Variants in KATNAL1 observed in about 807,000 individuals in gnomAD.
KATNAL1 encodes katanin catalytic subunit A1 like 1.
KATNAL1 carries 32 observed loss-of-function variants against 55.2 expected under a neutral mutation model. The observed-to-expected ratio is 0.58, with a 90% CI of 0.44 to 0.78. The LOEUF is 0.78. Ranked by LOEUF, KATNAL1 falls within the 30% of genes least tolerant of loss-of-function variation. KATNAL1 has a pLI of 0.00. For synonymous variants in KATNAL1, 193 were observed against 193.6 expected, an observed-to-expected ratio of 1.00 and a Z score of 0.02; for missense variants, 466 against 600.9, an observed-to-expected ratio of 0.78 and a Z score of 2.35.
chr13:30,271,879 A>AAAAAAG (rs1880398417), intron 3 of KATNAL1, among the ~76,000 whole-genome samples: 1 of 27,396 alleles, frequency 3.7e-5, no homozygotes, highest in East Asian at 1.3e-3. Flanking sequence ...AGAAAAGAGG[A>AAAAAAG]AAAAAAAAAA....
chr13:30,226,216 G>A (rs1480048217), intron 9 of KATNAL1, among the ~76,000 whole-genome samples: 1 of 152,104 alleles, frequency 6.6e-6, no homozygotes, highest in Non-Finnish European at 1.5e-5. Flanking sequence ...AACAGTTTGG[G>A]TATTTCCTAT....
chr13:30,288,712 A>C (rs184135139), intron 1 of KATNAL1, among the ~76,000 whole-genome samples: 1 of 152,338 alleles, frequency 6.6e-6, no homozygotes, highest in East Asian at 1.9e-4. Flanking sequence ...TCTCACATTC[A>C]GAAAAATTTC....
At chr13:30,230,042 T>C (rs1007002987) in intron 8 of KATNAL1, among the ~76,000 whole-genome samples, 4 of 152,012 alleles carry the variant, frequency 2.6e-5, no homozygotes, top group Non-Finnish European at 5.9e-5. Flanking sequence ...TTTCTTTTTA[T>C]GATACCCTAC....
At chr13:30,286,377 T>G (rs888493118) in intron 1 of KATNAL1, among the ~76,000 whole-genome samples, 2 of 152,214 alleles carry the variant, frequency 1.3e-5, no homozygotes, top group African/African-American at 4.8e-5. Context: ...ACCCAGCCAC[T>G]CCAGCCATGG....
chr13:30,248,388 C>T (rs1311378369), intron 4 of KATNAL1, among the ~76,000 whole-genome samples: 2 of 151,830 alleles, frequency 1.3e-5, no homozygotes, highest in Admixed American at 6.6e-5. Flanking sequence ...TAATCTAGTA[C>T]AACAAGGTAA....
In KATNAL1 at chr13:30,207,331, C is replaced by T. The variant is rs1873241812; in HGVS notation, c.*1209G>A. On this transcript the variant is annotated 3_prime_UTR_variant, in exon 11 of 11. Coordinates refer to ENST00000380615, the MANE Select transcript of KATNAL1 (RefSeq NM_032116.5). ...TTGAGTGAGCATGTCAGATTTCTAT[C>T]TTTATCTTAGTGTGTGTAAAAGTTC... 1 of 152,148 alleles carries T rather than the reference C, an allele frequency of 6.6e-6. No individual in the cohort carries two copies. Among genetic ancestry groups the T allele is most frequent in the African/African-American group, 2.4e-5 (1 of 41,434 alleles). The allele number at this position is 152,148 out of a possible 1,614,324, so 9.4% of individuals were successfully genotyped here. A position where few individuals can be genotyped will look rare whatever the true frequency, so the allele number is the denominator to read the frequency against.
chr13:30,230,912 C>G (rs1200043724), intron 7 of KATNAL1, among the ~76,000 whole-genome samples: 1 of 152,174 alleles, frequency 6.6e-6, no homozygotes, highest in Non-Finnish European at 1.5e-5. Context: ...CTCAAATATA[C>G]ATTCTTAAGT....
intron 9 of KATNAL1, among the ~76,000 whole-genome samples, chr13:30,226,642 AG>A (rs1875500909): frequency 2.0e-5 from 3 of 152,384 alleles, no homozygotes; most frequent in Admixed American, 2.0e-4. Flanking sequence ...CATCTTGATT[AG>A]GGTATTGATT....
At chr13:30,268,215 A>G (rs1879931828) in intron 3 of KATNAL1, among the ~76,000 whole-genome samples, 2 of 152,160 alleles carry the variant, frequency 1.3e-5, no homozygotes, top group Admixed American at 6.5e-5. Context: ...CTCAGGAGTG[A>G]CAACTTCTTC....
Position 30,280,130 on chromosome 13 carries a change from C to T in KATNAL1, c.256G>A (p.Val86Met). ...CTAAATGGTTCATCTTGACAGGACA[C>T]AGGGAAATCTGGAGGCTTGTCAATT... ...FKIDKPPDFP[V>M]SCQDEPFRDP... Residue 86 changes from valine to methionine, a missense_variant, in exon 3 of 11, where the codon GTG becomes ATG. Coordinates refer to ENST00000380615, the MANE Select transcript of KATNAL1 (RefSeq NM_032116.5). The T allele has an allele frequency of 6.2e-7, 1 of 1,613,422 alleles. No homozygotes were observed. The highest frequency in any genetic ancestry group is 8.5e-7 in the Non-Finnish European group (1 of 1,179,742).
At chr13:30,213,525 T>C (rs1396963412) in intron 9 of KATNAL1, among the ~76,000 whole-genome samples, 2 of 152,178 alleles carry the variant, frequency 1.3e-5, no homozygotes, top group Non-Finnish European at 2.9e-5. Flanking sequence ...AAATCCTCAA[T>C]AAAATACTGG....
At chr13:30,248,151 A>G (rs1298217817) in intron 4 of KATNAL1, among the ~76,000 whole-genome samples, 1 of 152,216 alleles carries the variant, frequency 6.6e-6, no homozygotes, top group Non-Finnish European at 1.5e-5. Context: ...CAGTCTAAGA[A>G]AAGTATGTGT....
chr13:30,292,619 T>C (rs945483320), intron 1 of KATNAL1, among the ~76,000 whole-genome samples: 6 of 152,278 alleles, frequency 3.9e-5, no homozygotes, highest in East Asian at 1.9e-4. Flanking sequence ...TCCAAGGCTG[T>C]TCAACTTGGT....
intron 1 of KATNAL1, among the ~76,000 whole-genome samples, chr13:30,303,662 TC>T (rs1258561191): frequency 6.6e-6 from 1 of 152,164 alleles, no homozygotes; most frequent in African/African-American, 2.4e-5. Flanking sequence ...CACAAATCAG[TC>T]CAGACATTAA....
intron 1 of KATNAL1, 143 bp from the exon 2 acceptor site, chr13:30,283,934 A>G (rs9508693): frequency 0.31 from 182,418 of 583,842 alleles, 30,865 homozygotes; most frequent in Admixed American, 0.47. Context: ...GGAGTGCAGC[A>G]GCATGATCTT....
At chr13:30,288,555 A>G (rs533979198) in intron 1 of KATNAL1, among the ~76,000 whole-genome samples, 1 of 152,218 alleles carries the variant, frequency 6.6e-6, no homozygotes, top group African/African-American at 2.4e-5. Flanking sequence ...TTGCCATTGA[A>G]ATAACTTTAC....
chr13:30,226,499 C>T (rs893116144), intron 9 of KATNAL1, among the ~76,000 whole-genome samples: 45 of 152,132 alleles, frequency 3.0e-4, no homozygotes, highest in African/African-American at 1.0e-3. Context: ...CATGCAGTCA[C>T]GATTCCATTT....
At chr13:30,304,545 G>A (rs1023248113) in intron 1 of KATNAL1, among the ~76,000 whole-genome samples, 3 of 152,134 alleles carry the variant, frequency 2.0e-5, no homozygotes, top group Admixed American at 6.5e-5. Flanking sequence ...TGGGATTACA[G>A]GCGCGAGCCA....
chr13:30,211,370 C>T (rs1370023609), intron 9 of KATNAL1, among the ~76,000 whole-genome samples: 8 of 152,200 alleles, frequency 5.3e-5, no homozygotes, highest in African/African-American at 1.9e-4. Flanking sequence ...CAACACTTCA[C>T]CTTAAATTCC....
Sources: gnomAD v4.1 joint callset for allele counts (sites outside exome capture counted in the v4.1 genomes callset) on GRCh38, gnomAD v4.1.1 for gene constraint, MANE v1.5 for transcripts, NCBI Gene and HGNC (gene_info 2026-07-23, HGNC 2026-07-21) for gene names.